The following ARHGEF10L variants were observed in gnomAD, a reference collection of about 807,000 sequenced individuals.
ARHGEF10L encodes the protein rho guanine nucleotide exchange factor 10-like protein.
ARHGEF10L carries 69 observed loss-of-function variants against 141.2 expected under a neutral mutation model. The ratio of observed to expected loss-of-function variants is 0.49; its 90% CI spans 0.40 to 0.60. The LOEUF is 0.60. ARHGEF10L is among the 20% of genes least tolerant of loss of function. ARHGEF10L has a pLI of 0.00. For synonymous variants in ARHGEF10L, 711 were observed against 718.5 expected, an observed-to-expected ratio of 0.99 and a Z score of 0.17; for missense variants, 1,482 against 1,734.3, an observed-to-expected ratio of 0.85 and a Z score of 2.58.
chr1:17,605,707 G>A (rs547194794), intron 6 of ARHGEF10L, among the ~76,000 whole-genome samples: 12 of 152,244 alleles, frequency 7.9e-5, no homozygotes, highest in African/African-American at 2.9e-4. Flanking sequence ...GTGGCACACC[G>A]AGGATGGAGG....
In ARHGEF10L at chr1:17,588,484, G is replaced by A. The variant is rs758573562; in HGVS notation, c.257+5G>A. 4 of 1,614,006 alleles carry A rather than the reference G, an allele frequency of 2.5e-6. No homozygotes were observed. The highest frequency in any genetic ancestry group is 2.2e-5 in the East Asian group (1 of 44,862). ...AGCTGCTCCACCCGGCACAGGGTAA[G>A]TGAACCTTGCTCCTTTGCTTTGGCG... On this transcript the variant is annotated splice_donor_5th_base_variant and intron_variant, in intron 4 of 28. Transcript: ENST00000361221.
intron 6 of ARHGEF10L, among the ~76,000 whole-genome samples, chr1:17,606,329 T>C (rs2081168445): frequency 6.6e-6 from 1 of 152,022 alleles, no homozygotes; most frequent in African/African-American, 2.4e-5. Flanking sequence ...TGTCTCTCTC[T>C]GTCACCCAGG....
Position 17,673,334 on chromosome 1 carries a change from G to C in ARHGEF10L, c.3009+8739G>C, listed in dbSNP as rs569707991. Among the ~76,000 whole-genome samples, 3 of 152,114 alleles carry C rather than the reference G, an allele frequency of 2.0e-5. No homozygotes were observed. The East Asian group carries it at 5.8e-4, about 29-fold the overall frequency. On this transcript the variant is annotated intron_variant, in intron 26 of 28. Coordinates refer to ENST00000361221, the MANE Select transcript of ARHGEF10L (RefSeq NM_018125.4). This position sits in a 1 kb window ranked among gnomAD's most constrained non-coding sequence, Gnocchi z 4.1. The stretch of plus-strand genomic sequence containing the variant: ...CCACATCCCCCTCCCCTCTGAGCCC[G>C]GCAGCAGGGAGAGGGGGAGGGCAGA...
intron 2 of ARHGEF10L, among the ~76,000 whole-genome samples, chr1:17,584,440 T>C (rs763336752): frequency 1.3e-5 from 2 of 151,932 alleles, no homozygotes; most frequent in Non-Finnish European, 2.9e-5. Context: ...TTACACTAGA[T>C]GCTGAGGATG....
At chr1:17,531,429 TG>T in the ARHGEF10L span, among the ~76,000 whole-genome samples, 1 of 152,170 alleles carries the variant, frequency 6.6e-6, no homozygotes, top group East Asian at 1.9e-4. Flanking sequence ...GGGGAAGACT[TG>T]GGTAAGCTTA....
rs570026550 is a variant in ARHGEF10L at position 17,670,020 on chromosome 1, C to T, written c.3009+5425C>T. Among the ~76,000 whole-genome samples the T allele has an allele frequency of 4.0e-4, 61 of 152,354 alleles. 1 individual carries two copies. Among genetic ancestry groups the T allele is most frequent in the African/African-American group, 1.3e-3 (54 of 41,594 alleles). ...GTCTGGAGGCCAGGATCCCCGAGCT[C>T]GGCTATGCGGGTGAGTTGGTGTGTG... On this transcript the variant is annotated intron_variant, in intron 26 of 28. Coordinates refer to ENST00000361221, the MANE Select transcript of ARHGEF10L (RefSeq NM_018125.4).
intron 15 of ARHGEF10L, among the ~76,000 whole-genome samples, chr1:17,631,892 A>T (rs1398518236): frequency 1.3e-5 from 2 of 152,228 alleles, no homozygotes; most frequent in African/African-American, 4.8e-5. Flanking sequence ...TTGGTAGCTG[A>T]GTAAACTAAG....
chr1:17,659,782 T>A (rs2062497102), intron 25 of ARHGEF10L, among the ~76,000 whole-genome samples: 1 of 152,244 alleles, frequency 6.6e-6, no homozygotes, highest in Non-Finnish European at 1.5e-5. Flanking sequence ...AAAACTGGCA[T>A]TCCTGGCCAT....
chr1:17,641,001 G>A (rs538758632), intron 21 of ARHGEF10L, among the ~76,000 whole-genome samples: 2 of 152,268 alleles, frequency 1.3e-5, no homozygotes, highest in South Asian at 2.1e-4. Flanking sequence ...AGAGATGTGC[G>A]GGGACTTGCC....
chr1:17,667,306 G>A (rs926727080), intron 26 of ARHGEF10L, among the ~76,000 whole-genome samples: 1 of 152,234 alleles, frequency 6.6e-6, no homozygotes, highest in Non-Finnish European at 1.5e-5. Flanking sequence ...GTCTTTGGAG[G>A]TGGGGGCTTC....
intron 15 of ARHGEF10L, 115 bp from the exon 16 acceptor site, chr1:17,632,205 TC>T: frequency 7.3e-7 from 1 of 1,362,854 alleles, no homozygotes. Flanking sequence ...CTTCATCTCC[TC>T]CACCTCTCCC....
chr1:17,524,806 A>C, the ARHGEF10L span, among the ~76,000 whole-genome samples: 1 of 152,178 alleles, frequency 6.6e-6, no homozygotes, highest in Non-Finnish European at 1.5e-5. Flanking sequence ...CTCCCAGGGT[A>C]CTCAGGCGAG....
At chr1:17,583,202 T>A (rs201376812) in intron 2 of ARHGEF10L, among the ~76,000 whole-genome samples, 2,196 of 111,772 alleles carry the variant, frequency 0.02, 71 homozygotes, top group East Asian at 0.086. Flanking sequence ...GAGCTTCATT[T>A]AAAAAAAAAA....
rs1000464372 is a variant in ARHGEF10L at position 17,619,702 on chromosome 1, C to T, written c.942+257C>T. On this transcript the variant is annotated intron_variant, in intron 10 of 28. Coordinates refer to ENST00000361221, the MANE Select transcript of ARHGEF10L (RefSeq NM_018125.4). This position sits in a 1 kb window ranked among gnomAD's most constrained non-coding sequence, Gnocchi z 5.0. ...CCCGGCATCTAGAACGCTTGCGTCC[C>T]CCAACTCCATGGCATGCAGAGCAGT... 6.6e-6 allele frequency among the ~76,000 whole-genome samples: 1 copy of T among 152,248 alleles called. No homozygotes were observed. Among genetic ancestry groups the T allele is most frequent in the Middle Eastern group, 3.4e-3 (1 of 294 alleles).
At chr1:17,602,285 A>C in intron 5 of ARHGEF10L, 67 bp downstream of exon 5, 1 of 1,515,680 alleles carries the variant, frequency 6.6e-7, no homozygotes, top group Non-Finnish European at 8.9e-7. Flanking sequence ...AGTCTTTCTA[A>C]CCCAAGAGAG....
At chr1:17,662,757 C>T (rs527736511) in intron 25 of ARHGEF10L, among the ~76,000 whole-genome samples, 54 of 152,234 alleles carry the variant, frequency 3.5e-4, no homozygotes, top group African/African-American at 1.3e-3. Context: ...GCAGTGGCTT[C>T]CATCACGTAC....
At chr1:17,517,064 G>T in the ARHGEF10L span, among the ~76,000 whole-genome samples, 1 of 152,316 alleles carries the variant, frequency 6.6e-6, no homozygotes, top group African/African-American at 2.4e-5. Flanking sequence ...TCCCAGGAGG[G>T]AACCCAGTCA....
chr1:17,608,758 C>A (rs1375486478), intron 7 of ARHGEF10L, among the ~76,000 whole-genome samples: 1 of 152,044 alleles, frequency 6.6e-6, no homozygotes, highest in Admixed American at 6.6e-5. Flanking sequence ...GGGATGGCGT[C>A]CCTCTCAGGC....
chr1:17,655,223 T>C (rs1273715776), intron 23 of ARHGEF10L, among the ~76,000 whole-genome samples: 3 of 152,200 alleles, frequency 2.0e-5, no homozygotes, highest in African/African-American at 7.2e-5. Context: ...TCATTTCCCA[T>C]GATCTAGCAC....
Sources: allele counts gnomAD v4.1 joint callset (sites outside exome capture counted in the v4.1 genomes callset), GRCh38; gene constraint gnomAD v4.1.1; non-coding constraint Gnocchi (gnomAD v3.1); transcripts MANE v1.5; gene names NCBI Gene and HGNC (gene_info 2026-07-23, HGNC 2026-07-21).